PRAMEF10: variants seen among roughly 807,000 people sequenced by gnomAD.
PRAMEF10 encodes the protein PRAME family member 10.
In PRAMEF10, 4 loss-of-function variants were observed where a neutral mutation model predicts 27.7. The observed-to-expected ratio is 0.14, with a 90% CI of 0.07 to 0.33. PRAMEF10 has a LOEUF of 0.33. Ranked by LOEUF, PRAMEF10 falls within the 10% of genes least tolerant of loss-of-function variation. The pLI is 1.00. For synonymous variants in PRAMEF10, 46 were observed against 176.0 expected (o/e 0.26, Z 5.85); for missense variants, 99 against 453.9 (o/e 0.22, Z 7.10).
Position 12,893,331 on chromosome 1 carries a change from A to T in PRAMEF10, c.1010T>A (p.Leu337His), listed in dbSNP as rs1641159156. The change falls in exon 4 of 4, where the codon CTT (leucine) becomes CAT (histidine). Residue 337 changes from leucine (L) to histidine (H), a missense_variant. Physicochemically the swap from Leu to His is moderately conservative, Grantham distance 99. Coordinates refer to ENST00000235347, the MANE Select transcript of PRAMEF10 (RefSeq NM_001039361.4). ...CTCCAGCAGAACTCCAAGGGGCTCA[A>T]GATTGGTGGTCCACATTAGGATATG... ...LIHILMWTTN[L>H]EPLGVLLEKV... 13 of 1,611,668 alleles carry T rather than the reference A, an allele frequency of 8.1e-6. No individual in the cohort carries two copies. The highest frequency in any genetic ancestry group is 1.0e-5 in the Non-Finnish European group (12 of 1,179,842).
rs1641159156 is a variant in PRAMEF10, at chr1:12,893,331, A to G, written c.1010T>C (p.Leu337Pro). 6.2e-7 allele frequency: 1 copy of G among 1,611,786 alleles called. No homozygotes were observed. The change falls in exon 4 of 4, where the codon CTT becomes CCT. Residue 337 changes from leucine (L) to proline (P), a missense_variant. Transcript: ENST00000235347. Reference sequence around the variant, plus strand: ...CTCCAGCAGAACTCCAAGGGGCTCAAGATTGGTGGTCCACATTAGGATATG... The same window carrying G: ...CTCCAGCAGAACTCCAAGGGGCTCAGGATTGGTGGTCCACATTAGGATATG... ...LIHILMWTTN[L>P]EPLGVLLEKV... is the part of the protein sequence containing the mutation.
chr1:12,896,287 G>A (rs971953972), intron 1 of PRAMEF10, among the ~76,000 whole-genome samples: 10 of 150,100 alleles, frequency 6.7e-5, no homozygotes, highest in African/African-American at 1.2e-4. Context: ...GCCTCCCAAA[G>A]TACTGGGATT....
At chr1:12,897,793 G>A (rs1244414074) in intron 1 of PRAMEF10, among the ~76,000 whole-genome samples, 4 of 149,662 alleles carry the variant, frequency 2.7e-5, no homozygotes, top group Admixed American at 2.7e-4. Flanking sequence ...GGAGGCAGAA[G>A]TTGCAATGAT....
At chr1:12,895,207 C>T in intron 2 of PRAMEF10, 43 bp from the exon 3 acceptor site, 1 of 1,184,278 alleles carries the variant, frequency 8.4e-7, no homozygotes, top group Non-Finnish European at 1.2e-6. Flanking sequence ...TAGGCAAGGA[C>T]CCACCCCTGA....
At chr1:12,894,210 G>A (rs1275295401) in intron 3 of PRAMEF10, among the ~76,000 whole-genome samples, 1 of 146,354 alleles carries the variant, frequency 6.8e-6, no homozygotes, top group African/African-American at 2.5e-5. Context: ...ACCACAACCG[G>A]CCACACCTTC....
At position 12,895,099 on chromosome 1, in the gene PRAMEF10, C is replaced by G; in HGVS notation, c.353G>C (p.Gly118Ala). Residue 118 changes from glycine (G) to alanine (A), a missense_variant, in exon 3 of 4, where the codon GGA becomes GCA. Gly to Ala is a moderately conservative substitution (Grantham distance 60). Transcript: ENST00000235347. Reference sequence around the variant, plus strand: ...TGGGGAGCAGGAGAGGACCCTGGCTCCAGACCATATGGTCCAGAAATTCTC... The same window carrying G: ...TGGGGAGCAGGAGAGGACCCTGGCTGCAGACCATATGGTCCAGAAATTCTC... ...VDENFWTIWSGARVLSCSPEA... is the reference protein window; with the variant it reads ...VDENFWTIWSAARVLSCSPEA... The G allele has an allele frequency of 6.7e-7, 1 of 1,484,480 alleles. No individual in the cohort carries two copies. The highest frequency in any genetic ancestry group is 9.3e-7 in the Non-Finnish European group (1 of 1,072,806). 92.0% of individuals were successfully genotyped at this position (1,484,480 alleles called of 1,614,324 possible).
rs200331015 is a variant in PRAMEF10 at position 12,893,251 on chromosome 1, G to A, written c.1090C>T (p.Pro364Ser). ...GCAGGCAGGAGGACCCTGAGTTGGG[G>A]GTCCTGGATCCGACAGTCCTTTAAG... ...LVLKDCRIQD[P>S]QLRVLLPALS... Residue 364 changes from proline (P) to serine (S), a missense_variant, in exon 4 of 4, where the codon CCC becomes TCC. By Grantham distance (74) the Pro-to-Ser change is moderately conservative (BLOSUM62 -1). Transcript: ENST00000235347. 693 of 1,610,712 alleles carry A rather than the reference G, an allele frequency of 4.3e-4. 1 individual carries two copies. In the African/African-American group the frequency reaches 5.4e-3, roughly 13 times the overall value.
At chr1:12,894,118 T>C (rs1468169073) in intron 3 of PRAMEF10, among the ~76,000 whole-genome samples, 1 of 150,852 alleles carries the variant, frequency 6.6e-6, no homozygotes, top group Admixed American at 6.6e-5. Context: ...ATTCACTGTG[T>C]TGGCCAGACT....
rs201010116 is a variant in PRAMEF10 at position 12,892,902 on chromosome 1, G to A, written c.*14C>T. On this transcript the variant is annotated 3_prime_UTR_variant, in exon 4 of 4. Transcript: ENST00000235347. ...CCAGAAGAAAGCTTATCCATCCCACGAACCAGGCCTTCCCTAGGAGCAAAG... is the reference window on the plus strand; with the variant it reads ...CCAGAAGAAAGCTTATCCATCCCACAAACCAGGCCTTCCCTAGGAGCAAAG... 1.2e-5 allele frequency: 19 copies of A among 1,578,852 alleles called. No individual in the cohort carries two copies. Among genetic ancestry groups the A allele is most frequent in the African/African-American group, 5.5e-5 (4 of 72,972 alleles).
At chr1:12,897,499 A>G (rs1483764633) in intron 1 of PRAMEF10, among the ~76,000 whole-genome samples, 1 of 148,386 alleles carries the variant, frequency 6.7e-6, no homozygotes, top group Non-Finnish European at 1.5e-5. Flanking sequence ...CTCCCATGTC[A>G]GCAACCCATA....
At chr1:12,897,708 T>G (rs1812556) in intron 1 of PRAMEF10, among the ~76,000 whole-genome samples, 2,726 of 145,454 alleles carry the variant, frequency 0.019, 122 homozygotes, top group African/African-American at 0.07. Flanking sequence ...AATACAAAAA[T>G]TAGCCAGGCA....
intron 1 of PRAMEF10, among the ~76,000 whole-genome samples, chr1:12,896,361 G>A (rs1406897226): frequency 2.7e-5 from 4 of 150,830 alleles, no homozygotes; most frequent in African/African-American, 9.8e-5. Context: ...TGAAAGCTGT[G>A]TGACAGTGTT....
Position 12,893,302 on chromosome 1 carries a change from C to T in PRAMEF10, c.1039G>A (p.Val347Ile). 1.9e-6 allele frequency: 3 copies of T among 1,611,830 alleles called. No individual in the cohort carries two copies. Residue 347 changes from valine to isoleucine, a missense_variant, in exon 4 of 4, where the codon GTT (valine) becomes ATT (isoleucine). By Grantham distance (29) the Val-to-Ile change is conservative. Coordinates refer to ENST00000235347, the MANE Select transcript of PRAMEF10 (RefSeq NM_001039361.4). ...ACGAGGGTCTTGAGAGTAGCAGCAACTTTCTCCAGCAGAACTCCAAGGGGC... is the reference window on the plus strand; with the variant it reads ...ACGAGGGTCTTGAGAGTAGCAGCAATTTTCTCCAGCAGAACTCCAAGGGGC... ...LEPLGVLLEK[V>I]AATLKTLVLK... is the part of the protein sequence containing the mutation.
intron 1 of PRAMEF10, among the ~76,000 whole-genome samples, chr1:12,897,634 A>T (rs969827835): frequency 4.7e-5 from 7 of 149,900 alleles, no homozygotes; most frequent in African/African-American, 1.7e-4. Context: ...AGGCAGGTGG[A>T]TCACTTGAGG....
intron 3 of PRAMEF10, among the ~76,000 whole-genome samples, chr1:12,893,953 G>A (rs1641170250): frequency 7.6e-6 from 1 of 130,804 alleles, no homozygotes; most frequent in African/African-American, 2.8e-5. Flanking sequence ...TTTTGAGACA[G>A]TCTCACATTG....
At chr1:12,893,933 C>CTT (rs1232210965) in intron 3 of PRAMEF10, among the ~76,000 whole-genome samples, 1 of 110,422 alleles carries the variant, frequency 9.1e-6, no homozygotes, top group East Asian at 3.5e-4. Context: ...TGTACTTTCT[C>CTT]TTTTTTTTTT....
intron 1 of PRAMEF10, among the ~76,000 whole-genome samples, chr1:12,897,714 A>G (rs914844145): frequency 6.7e-6 from 1 of 148,992 alleles, no homozygotes; most frequent in Non-Finnish European, 1.5e-5. Context: ...AAAATTAGCC[A>G]GGCAAGTTGG....
In PRAMEF10 at chr1:12,894,975, T is replaced by C. The variant is rs199739589; in HGVS notation, c.477A>G (p.Thr159=). The change falls in exon 3 of 4, where the codon ACA becomes ACG. Residue 159 remains threonine (T), a synonymous_variant. Transcript: ENST00000235347. The part of the protein sequence containing the change: ...VFIDLCLKES[T]LDECLSYLFG... Reference sequence around the variant, plus strand: ...AAAGGTAGCTCAGGCATTCATCCAGTGTACTTTCCTTTAGGCAGAGGTCTA... The same window carrying C: ...AAAGGTAGCTCAGGCATTCATCCAGCGTACTTTCCTTTAGGCAGAGGTCTA... 1.9e-6 allele frequency: 3 copies of C among 1,607,006 alleles called. No homozygotes were observed. The highest frequency in any genetic ancestry group is 1.4e-5 in the African/African-American group (1 of 73,818).
intron 3 of PRAMEF10, among the ~76,000 whole-genome samples, chr1:12,894,055 G>A (rs1195689822): frequency 6.7e-6 from 1 of 149,770 alleles, no homozygotes; most frequent in Non-Finnish European, 1.5e-5. Context: ...GATTACAGGT[G>A]CCTGTCTGCA....
Sources: gnomAD v4.1 joint callset for allele counts (sites outside exome capture counted in the v4.1 genomes callset) on GRCh38, gnomAD v4.1.1 for gene constraint, MANE v1.5 for transcripts, NCBI Gene and HGNC (gene_info 2026-07-23, HGNC 2026-07-21) for gene names.